The following SLC24A2 variants were observed in gnomAD, a reference collection of about 807,000 sequenced individuals.
SLC24A2 encodes sodium/potassium/calcium exchanger 2.
SLC24A2 carries 36 observed loss-of-function variants against 62.0 expected under a neutral mutation model. That is an observed-to-expected ratio of 0.58 (90% CI 0.44 to 0.77). The LOEUF is 0.77. Ranked by LOEUF, SLC24A2 falls within the 30% of genes least tolerant of loss-of-function variation. The pLI is 0.00. For synonymous variants in SLC24A2, 358 were observed against 294.0 expected, an observed-to-expected ratio of 1.22 and a Z score of -2.23; for missense variants, 846 against 817.9, an observed-to-expected ratio of 1.03 and a Z score of -0.42.
At chr9:19,532,154 C>A (rs1833738916) in intron 8 of SLC24A2, among the ~76,000 whole-genome samples, 1 of 152,190 alleles carries the variant, frequency 6.6e-6, no homozygotes, top group Non-Finnish European at 1.5e-5. Flanking sequence ...GCAATCTTGG[C>A]TCACCATAAC....
At chr9:19,615,304 T>C (rs1275907754) in intron 4 of SLC24A2, among the ~76,000 whole-genome samples, 3 of 152,234 alleles carry the variant, frequency 2.0e-5, no homozygotes, top group Admixed American at 6.5e-5. Context: ...ACCAGTGACA[T>C]GAACGAACTG....
At chr9:20,160,709 A>G in the SLC24A2 span, among the ~76,000 whole-genome samples, 1 of 151,302 alleles carries the variant, frequency 6.6e-6, no homozygotes, top group Non-Finnish European at 1.5e-5. Flanking sequence ...TCCGAAAAAT[A>G]ATGATGATAA....
chr9:20,184,977 G>T, the SLC24A2 span, among the ~76,000 whole-genome samples: 7 of 152,138 alleles, frequency 4.6e-5, no homozygotes, highest in Non-Finnish European at 1.0e-4. Flanking sequence ...ATTATGCTAA[G>T]TGAAATAAGT....
At chr9:20,133,388 A>G in the SLC24A2 span, among the ~76,000 whole-genome samples, 1 of 152,192 alleles carries the variant, frequency 6.6e-6, no homozygotes, top group Non-Finnish European at 1.5e-5. Context: ...CAATATAAGC[A>G]AAATTTTTAT....
At chr9:20,178,698 T>A in the SLC24A2 span, among the ~76,000 whole-genome samples, 13 of 152,162 alleles carry the variant, frequency 8.5e-5, no homozygotes, top group Non-Finnish European at 1.0e-4. Flanking sequence ...CTGGCTGGCA[T>A]TGACCCCTGC....
the SLC24A2 span, among the ~76,000 whole-genome samples, chr9:20,221,105 T>A: frequency 3.3e-5 from 5 of 152,072 alleles, no homozygotes; most frequent in Admixed American, 2.6e-4. Flanking sequence ...ACAGTGAACA[T>A]AATCAGAAGC....
chr9:19,600,191 G>A (rs1314704605), intron 4 of SLC24A2, among the ~76,000 whole-genome samples: 4 of 152,154 alleles, frequency 2.6e-5, no homozygotes, highest in East Asian at 1.9e-4. Flanking sequence ...CCCTGTGGTC[G>A]GTGTTTGAGA....
the SLC24A2 span, among the ~76,000 whole-genome samples, chr9:20,288,735 C>T: frequency 0.17 from 23,432 of 139,450 alleles, 2,530 homozygotes; most frequent in African/African-American, 0.3. Context: ...GAGTGAGACT[C>T]TGTCTCAAAA....
the SLC24A2 span, chr9:19,967,173 G>C: frequency 1.4e-4 from 21 of 152,094 alleles, no homozygotes; most frequent in African/African-American, 4.8e-4. Context: ...ATCATAAATT[G>C]TTCCATTGTT....
chr9:19,680,917 G>A (rs1053835343), intron 2 of SLC24A2, among the ~76,000 whole-genome samples: 2 of 151,516 alleles, frequency 1.3e-5, no homozygotes, highest in Non-Finnish European at 2.9e-5. Context: ...ACCACTTCTG[G>A]AGGCCTCTAC....
the SLC24A2 span, among the ~76,000 whole-genome samples, chr9:20,226,779 G>A: frequency 1.3e-5 from 2 of 151,992 alleles, no homozygotes; most frequent in East Asian, 3.9e-4. Flanking sequence ...ATATTGCATG[G>A]GCCTCTGCAA....
rs368948047 is a variant in SLC24A2, at chr9:19,785,769, A to AT, written c.930+167dup. 1.9e-3 allele frequency among the ~76,000 whole-genome samples: 290 copies of AT among 152,244 alleles called. 1 individual carries two copies. Among genetic ancestry groups the AT allele is most frequent in the Middle Eastern group, 6.8e-3 (2 of 294 alleles). Reference sequence around the variant, plus strand: ...ACATCTGCAAGAATACCCCAAAATTATTTTTTCCACTGCTATGTTAGTCTA... The same window carrying AT: ...ACATCTGCAAGAATACCCCAAAATTATTTTTTTCCACTGCTATGTTAGTCTA... On this transcript the variant is annotated intron_variant, in intron 2 of 10. Transcript: ENST00000341998.
chr9:19,882,449 G>A, the SLC24A2 span, among the ~76,000 whole-genome samples: 3 of 151,634 alleles, frequency 2.0e-5, no homozygotes, highest in Non-Finnish European at 1.5e-5. Context: ...ATCTTGATAT[G>A]TGTGGATCTC....
At chr9:19,539,360 C>G (rs1454395896) in intron 8 of SLC24A2, among the ~76,000 whole-genome samples, 2 of 149,624 alleles carry the variant, frequency 1.3e-5, no homozygotes, top group Non-Finnish European at 3.0e-5. Context: ...AAATTTCCCT[C>G]TACACACTGC....
At chr9:19,614,567 A>C (rs368870144) in intron 4 of SLC24A2, among the ~76,000 whole-genome samples, 1 of 152,134 alleles carries the variant, frequency 6.6e-6, no homozygotes, top group Non-Finnish European at 1.5e-5. Context: ...AGTGAAGTCT[A>C]ATTTTGTCCC....
At chr9:20,251,379 G>C in the SLC24A2 span, among the ~76,000 whole-genome samples, 2 of 150,116 alleles carry the variant, frequency 1.3e-5, no homozygotes, top group Non-Finnish European at 3.0e-5. Context: ...CATTTCAAAC[G>C]AGTAAACTCA....
the SLC24A2 span, among the ~76,000 whole-genome samples, chr9:20,217,051 C>G: frequency 6.6e-6 from 1 of 152,040 alleles, no homozygotes; most frequent in Non-Finnish European, 1.5e-5. Context: ...ATGATACCCC[C>G]AAACAGAAAC....
intron 2 of SLC24A2, among the ~76,000 whole-genome samples, chr9:19,756,523 A>G (rs1024915328): frequency 1.3e-5 from 2 of 152,196 alleles, no homozygotes; most frequent in African/African-American, 4.8e-5. Context: ...ACAAAATTTG[A>G]TGCTGACAAC....
At chr9:19,941,524 G>C in the SLC24A2 span, among the ~76,000 whole-genome samples, 2 of 149,644 alleles carry the variant, frequency 1.3e-5, no homozygotes, top group African/African-American at 4.9e-5. Flanking sequence ...AAAGCCACCA[G>C]ATTTATTTAC....
Sources: allele counts gnomAD v4.1 joint callset (sites outside exome capture counted in the v4.1 genomes callset), GRCh38; gene constraint gnomAD v4.1.1; transcripts MANE v1.5; gene names NCBI Gene and HGNC (gene_info 2026-07-23, HGNC 2026-07-21).